GSDMC: variants seen among roughly 807,000 people sequenced by gnomAD.
GSDMC encodes gasdermin C, also known as gasdermin-C.
In GSDMC, 59 loss-of-function variants were observed where a neutral mutation model predicts 58.0. That is an observed-to-expected ratio of 1.02 (90% CI 0.82 to 1.26). The LOEUF (loss-of-function observed/expected upper bound fraction) is 1.26. Among genes scored for constraint, GSDMC ranks in the 50% most tolerant of loss-of-function variants. GSDMC has a pLI of 0.00. For synonymous variants in GSDMC, 241 were observed against 220.2 expected, an observed-to-expected ratio of 1.09 and a Z score of -0.83; for missense variants, 659 against 598.5, an observed-to-expected ratio of 1.10 and a Z score of -1.06.
chr8:129,770,057 C>T (rs371502232), intron 3 of GSDMC, among the ~76,000 whole-genome samples: 84 of 152,072 alleles, frequency 5.5e-4, no homozygotes, highest in Middle Eastern at 6.8e-3. Flanking sequence ...AAATGTTTTA[C>T]GTATATTAAA....
rs1586570520 is a variant in GSDMC, at chr8:129,748,853, G to T, written c.1288-113C>A. 20 of 786,422 alleles carry T rather than the reference G, an allele frequency of 2.5e-5. No homozygotes were observed. The South Asian group carries it at 5.5e-4, about 22-fold the overall frequency. 48.7% of individuals were successfully genotyped at this position (786,422 alleles called of 1,614,324 possible). On this transcript the variant is annotated intron_variant, in intron 13 of 13. Coordinates refer to ENST00000276708, the MANE Select transcript of GSDMC (RefSeq NM_031415.3). ...ATAATAAAAGGAGCAAGAGCTTTGGGATCCAGCGGACCAGGAGTAACATGC... is the reference window on the plus strand; with the variant it reads ...ATAATAAAAGGAGCAAGAGCTTTGGTATCCAGCGGACCAGGAGTAACATGC...
At chr8:129,714,580 T>A in the GSDMC span, among the ~76,000 whole-genome samples, 1 of 152,242 alleles carries the variant, frequency 6.6e-6, no homozygotes, top group Admixed American at 6.5e-5. Context: ...ATGGTAGTGA[T>A]TTCAAGTTTC....
At chr8:129,732,279 C>A in the GSDMC span, among the ~76,000 whole-genome samples, 2 of 138,182 alleles carry the variant, frequency 1.4e-5, no homozygotes, top group African/African-American at 2.7e-5. Flanking sequence ...TATTTCTGTT[C>A]TTTATAAATT....
the GSDMC span, among the ~76,000 whole-genome samples, chr8:129,711,852 C>A: frequency 6.6e-6 from 1 of 152,134 alleles, no homozygotes; most frequent in Non-Finnish European, 1.5e-5. Flanking sequence ...ACAAAGAGAC[C>A]AAGCAGCTTA....
chr8:129,760,892 ACTTACCACT>A (rs991631067), intron 5 of GSDMC, among the ~76,000 whole-genome samples: 1 of 152,184 alleles, frequency 6.6e-6, no homozygotes, highest in African/African-American at 2.4e-5. Context: ...GATCTGCCTT[ACTTACCACT>A]CTCAATTTGG....
intron 3 of GSDMC, among the ~76,000 whole-genome samples, chr8:129,772,404 A>G (rs756893774): frequency 1.8e-4 from 27 of 152,112 alleles, no homozygotes; most frequent in Non-Finnish European, 2.9e-4. Flanking sequence ...ACCAAGAAAG[A>G]AGAACTCCAA....
At chr8:129,784,284 A>G (rs1586627322) in intron 1 of GSDMC, among the ~76,000 whole-genome samples, 1 of 152,148 alleles carries the variant, frequency 6.6e-6, no homozygotes, top group East Asian at 1.9e-4. Flanking sequence ...GCAAAGGAAA[A>G]GATCAACAAC....
chr8:129,761,597 T>C (rs981605928), intron 5 of GSDMC, among the ~76,000 whole-genome samples: 1 of 152,242 alleles, frequency 6.6e-6, no homozygotes, highest in Admixed American at 6.5e-5. Context: ...TGATGATATT[T>C]TGAAACTAGA....
intron 13 of GSDMC, 82 bp downstream of exon 13, chr8:129,749,370 C>A: frequency 9.7e-7 from 1 of 1,029,234 alleles, no homozygotes; most frequent in East Asian, 2.4e-5. Flanking sequence ...CCTGTATCAT[C>A]TCTCTTTCCT....
intron 1 of GSDMC, among the ~76,000 whole-genome samples, chr8:129,780,197 G>A (rs2034363841): frequency 6.6e-6 from 1 of 152,278 alleles, no homozygotes; most frequent in South Asian, 2.1e-4. Context: ...TTAAAGAGAA[G>A]ATTGAGAAAC....
chr8:129,756,684 A>C (rs1379806734), intron 6 of GSDMC, among the ~76,000 whole-genome samples: 1 of 152,208 alleles, frequency 6.6e-6, no homozygotes, highest in Non-Finnish European at 1.5e-5. Flanking sequence ...ACATTCCAAA[A>C]TATTGAAATA....
chr8:129,743,772 G>C (rs1445724907), downstream of GSDMC, among the ~76,000 whole-genome samples: 1 of 152,118 alleles, frequency 6.6e-6, no homozygotes, highest in Non-Finnish European at 1.5e-5. Flanking sequence ...TGTTAAAATG[G>C]GGTTTATACA....
chr8:129,746,885 C>A (rs1487295372), downstream of GSDMC, among the ~76,000 whole-genome samples: 2 of 152,048 alleles, frequency 1.3e-5, no homozygotes, highest in Non-Finnish European at 2.9e-5. Context: ...GGGAGTGAAG[C>A]ACTACTGAAA....
At chr8:129,776,037 T>A in intron 3 of GSDMC, 65 bp downstream of exon 3, 1 of 1,237,692 alleles carries the variant, frequency 8.1e-7, no homozygotes, top group Non-Finnish European at 1.1e-6. Context: ...GATGTATTTT[T>A]GTGTTCAAGG....
chr8:129,714,638 A>T, the GSDMC span, among the ~76,000 whole-genome samples: 1 of 152,240 alleles, frequency 6.6e-6, no homozygotes, highest in Non-Finnish European at 1.5e-5. Context: ...ATTTAAATTT[A>T]AAAACTTCAG....
At chr8:129,748,017 GA>G (rs34661573), downstream of GSDMC, among the ~76,000 whole-genome samples, 19 of 149,228 alleles carry the variant, frequency 1.3e-4, no homozygotes, top group African/African-American at 2.2e-4. Context: ...ATGTTTCCAG[GA>G]AAAAAAAAAT....
intron 6 of GSDMC, among the ~76,000 whole-genome samples, chr8:129,757,684 A>C (rs766453609): frequency 6.6e-6 from 1 of 152,202 alleles, no homozygotes. Context: ...AACCGAATTC[A>C]ATGAAACATT....
chr8:129,713,382 A>G, the GSDMC span, among the ~76,000 whole-genome samples: 1 of 141,218 alleles, frequency 7.1e-6, no homozygotes, highest in Admixed American at 7.3e-5. Flanking sequence ...AGTCCCAGCC[A>G]TCAATGGAGC....
chr8:129,732,558 C>G, the GSDMC span, among the ~76,000 whole-genome samples: 1 of 152,162 alleles, frequency 6.6e-6, no homozygotes, highest in Non-Finnish European at 1.5e-5. Context: ...ACTGGATCTA[C>G]AGCAATGGTC....
Sources: gnomAD v4.1 joint callset for allele counts (sites outside exome capture counted in the v4.1 genomes callset) on GRCh38, gnomAD v4.1.1 for gene constraint, MANE v1.5 for transcripts, NCBI Gene and HGNC (gene_info 2026-07-23, HGNC 2026-07-21) for gene names.